Variants in CSMD3 observed in about 807,000 individuals in gnomAD.
CSMD3 encodes the protein CUB and sushi domain-containing protein 3.
A neutral mutation model predicts 435.2 loss-of-function variants in CSMD3; 177 were observed. The ratio of observed to expected loss-of-function variants is 0.41; its 90% CI spans 0.36 to 0.46. CSMD3 has a LOEUF of 0.46. CSMD3 is among the 20% of genes least tolerant of loss of function. The pLI, the probability that CSMD3 is intolerant of heterozygous loss-of-function variation, is 0.34. For missense variants in CSMD3, 4,265 were observed against 4,504.6 expected, an observed-to-expected ratio of 0.95 and a Z score of 1.52; for synonymous variants, 1,656 against 1,520.5, an observed-to-expected ratio of 1.09 and a Z score of -2.07.
At chr8:112,730,840 T>C (rs1208800374) in intron 13 of CSMD3, among the ~76,000 whole-genome samples, 1 of 152,096 alleles carries the variant, frequency 6.6e-6, no homozygotes, top group Non-Finnish European at 1.5e-5. Context: ...ACGAAGTGGG[T>C]GTACTATTTC....
intron 31 of CSMD3, among the ~76,000 whole-genome samples, chr8:112,478,941 A>G (rs1819354360): frequency 6.6e-6 from 1 of 152,132 alleles, no homozygotes. Flanking sequence ...CTATGCACAG[A>G]GGAGAGAACT....
intron 4 of CSMD3, among the ~76,000 whole-genome samples, chr8:113,132,892 G>T (rs961916185): frequency 1.3e-5 from 2 of 152,004 alleles, no homozygotes; most frequent in Non-Finnish European, 2.9e-5. Flanking sequence ...TGTGACCTCA[G>T]GGTTTTTACT....
At chr8:112,953,860 A>T (rs991227502) in intron 8 of CSMD3, among the ~76,000 whole-genome samples, 3 of 151,562 alleles carry the variant, frequency 2.0e-5, no homozygotes. Context: ...GAAGAATAAA[A>T]GTAACAACAT....
intron 32 of CSMD3, among the ~76,000 whole-genome samples, chr8:112,450,473 C>T (rs1018112735): frequency 6.6e-6 from 1 of 152,088 alleles, no homozygotes; most frequent in Non-Finnish European, 1.5e-5. Flanking sequence ...AGTATTATGA[C>T]CTACTTGGCA....
At chr8:113,204,855 C>T (rs571161714) in intron 3 of CSMD3, among the ~76,000 whole-genome samples, 36 of 152,104 alleles carry the variant, frequency 2.4e-4, no homozygotes, top group South Asian at 4.2e-4. Flanking sequence ...AAAAGAAAGA[C>T]GTTTAATTGG....
intron 22 of CSMD3, among the ~76,000 whole-genome samples, chr8:112,617,815 T>G (rs1355881024): frequency 6.6e-6 from 1 of 152,162 alleles, no homozygotes; most frequent in Non-Finnish European, 1.5e-5. Context: ...ACAGAAATTA[T>G]CCAAGATACT....
intron 32 of CSMD3, among the ~76,000 whole-genome samples, chr8:112,437,018 G>A (rs547023541): frequency 1.3e-5 from 2 of 152,086 alleles, no homozygotes; most frequent in Admixed American, 6.6e-5. Flanking sequence ...TAAAAGACGG[G>A]TTCTTATTTG....
chr8:112,486,818 TG>T (rs1275501001), intron 31 of CSMD3, among the ~76,000 whole-genome samples: 2 of 152,188 alleles, frequency 1.3e-5, no homozygotes, highest in Non-Finnish European at 2.9e-5. Context: ...TTTACCTATC[TG>T]TATCTCATCA....
intron 1 of CSMD3, among the ~76,000 whole-genome samples, chr8:113,409,315 C>T (rs2094547717): frequency 6.6e-6 from 1 of 151,698 alleles, no homozygotes; most frequent in Non-Finnish European, 1.5e-5. Context: ...GAACTCCTGA[C>T]CTCGTGAAGC....
intron 52 of CSMD3, 55 bp from the exon 53 acceptor site, chr8:112,302,021 TA>T: frequency 8.2e-7 from 1 of 1,216,802 alleles, no homozygotes. Flanking sequence ...GCTGCACTTG[TA>T]ACAAAACTGT....
At chr8:112,501,381 G>T (rs1181214680) in intron 30 of CSMD3, among the ~76,000 whole-genome samples, 4 of 141,618 alleles carry the variant, frequency 2.8e-5, no homozygotes, top group African/African-American at 1.1e-4. Flanking sequence ...GACAGAGCAA[G>T]ATTCCATCTC....
chr8:113,068,551 C>A (rs866533932), intron 5 of CSMD3, among the ~76,000 whole-genome samples: 2 of 152,096 alleles, frequency 1.3e-5, no homozygotes, highest in African/African-American at 4.8e-5. Context: ...TGCCAACAAT[C>A]ATCTTTGTGT....
At chr8:112,832,715 C>G (rs373972350) in intron 11 of CSMD3, among the ~76,000 whole-genome samples, 1 of 152,086 alleles carries the variant, frequency 6.6e-6, no homozygotes, top group Non-Finnish European at 1.5e-5. Flanking sequence ...GATTTCACCC[C>G]GGTACAACCT....
chr8:112,818,540 G>T (rs231281), intron 12 of CSMD3, among the ~76,000 whole-genome samples: 125,518 of 152,174 alleles, frequency 0.82, 52,066 homozygotes, highest in African/African-American at 0.91. Context: ...GAAAACTAGT[G>T]TTAACTGTTA....
chr8:112,802,365 TG>T (rs2078979825), intron 12 of CSMD3, among the ~76,000 whole-genome samples: 1 of 152,034 alleles, frequency 6.6e-6, no homozygotes, highest in Admixed American at 6.6e-5. Flanking sequence ...TCTACTTTTC[TG>T]GGGAGTTAAA....
intron 40 of CSMD3, among the ~76,000 whole-genome samples, chr8:112,350,652 A>G (rs943938378): frequency 1.3e-5 from 2 of 152,086 alleles, no homozygotes; most frequent in Non-Finnish European, 2.9e-5. Flanking sequence ...GCATGAATAG[A>G]AGTAATTTGG....
chr8:112,783,049 C>A (rs1396276330), intron 13 of CSMD3, among the ~76,000 whole-genome samples: 1 of 151,922 alleles, frequency 6.6e-6, no homozygotes. Flanking sequence ...AAAAGAAAAA[C>A]ACGGTAATTG....
chr8:112,508,018 T>C (rs1022515156), intron 28 of CSMD3, among the ~76,000 whole-genome samples: 1 of 152,158 alleles, frequency 6.6e-6, no homozygotes, highest in Non-Finnish European at 1.5e-5. Flanking sequence ...GTCCTCCATC[T>C]CCAAGCTTAA....
chr8:112,947,156 T>G (rs1451072773), intron 9 of CSMD3, among the ~76,000 whole-genome samples: 2 of 151,714 alleles, frequency 1.3e-5, no homozygotes, highest in Non-Finnish European at 3.0e-5. Context: ...TTGTAATAGA[T>G]TCTAGAGGAC....
Sources: gnomAD v4.1 joint callset for allele counts (sites outside exome capture counted in the v4.1 genomes callset) on GRCh38, gnomAD v4.1.1 for gene constraint, MANE v1.5 for transcripts, NCBI Gene and HGNC (gene_info 2026-07-23, HGNC 2026-07-21) for gene names.